The following RIMS2 variants were observed in gnomAD, a reference collection of about 807,000 sequenced individuals.
The protein encoded by RIMS2 is regulating synaptic membrane exocytosis 2, also known as regulating synaptic membrane exocytosis protein 2.
Under a neutral mutation model 174.4 loss-of-function variants are expected in RIMS2, and 59 were observed. That is an observed-to-expected ratio of 0.34 (90% CI 0.27 to 0.42). RIMS2 has a LOEUF of 0.42. Ranked by LOEUF, RIMS2 falls within the 10% of genes least tolerant of loss-of-function variation. The pLI is 1.00. For synonymous variants in RIMS2, 606 were observed against 572.5 expected (o/e 1.06, Z -0.84); for missense variants, 1,620 against 1,666.3 (o/e 0.97, Z 0.48).
intron 2 of RIMS2, among the ~76,000 whole-genome samples, chr8:103,725,951 A>T (rs1399146208): frequency 1.3e-5 from 2 of 152,158 alleles, no homozygotes; most frequent in African/African-American, 4.8e-5. Context: ...GGCCATTTAT[A>T]TCACGTCTTT....
intron 1 of RIMS2, among the ~76,000 whole-genome samples, chr8:103,661,979 G>A (rs1218116862): frequency 6.6e-6 from 1 of 152,160 alleles, no homozygotes; most frequent in Non-Finnish European, 1.5e-5. Context: ...GAATGATATT[G>A]AGAATGATAT....
At chr8:103,612,938 A>G (rs1408385496) in intron 1 of RIMS2, among the ~76,000 whole-genome samples, 1 of 152,140 alleles carries the variant, frequency 6.6e-6, no homozygotes, top group Non-Finnish European at 1.5e-5. Flanking sequence ...AGCCACCTGG[A>G]ACTGGGTTGT....
intron 1 of RIMS2, among the ~76,000 whole-genome samples, chr8:103,630,927 A>C (rs1054535467): frequency 6.6e-6 from 1 of 152,144 alleles, no homozygotes; most frequent in African/African-American, 2.4e-5. Context: ...TCTTTTGAGA[A>C]GTGTCTGTTC....
At chr8:104,058,017 C>T (rs1403588549) in intron 19 of RIMS2, among the ~76,000 whole-genome samples, 1 of 151,852 alleles carries the variant, frequency 6.6e-6, no homozygotes, top group Non-Finnish European at 1.5e-5. Flanking sequence ...TGAATGGTGC[C>T]GCAATAAACA....
At chr8:103,701,071 A>C (rs1016356771) in intron 2 of RIMS2, among the ~76,000 whole-genome samples, 5 of 151,882 alleles carry the variant, frequency 3.3e-5, no homozygotes, top group Non-Finnish European at 7.4e-5. Flanking sequence ...GGCATTATTT[A>C]TTTCTTTTTG....
chr8:103,937,183 T>G (rs1595480517), intron 13 of RIMS2, among the ~76,000 whole-genome samples: 1 of 152,182 alleles, frequency 6.6e-6, no homozygotes. Flanking sequence ...ACAATTTCTT[T>G]AATGGAATGT....
chr8:103,847,187 A>G (rs1011494418), intron 3 of RIMS2, among the ~76,000 whole-genome samples: 1 of 152,148 alleles, frequency 6.6e-6, no homozygotes, highest in African/African-American at 2.4e-5. Context: ...AGTATGGCAC[A>G]GATTTCCCAA....
chr8:104,163,118 G>C (rs1023880254), intron 19 of RIMS2, among the ~76,000 whole-genome samples: 2 of 152,040 alleles, frequency 1.3e-5, no homozygotes, highest in Non-Finnish European at 2.9e-5. Context: ...TGTCCCCTTG[G>C]GCTTTGAAAA....
At chr8:103,603,878 A>T (rs1184027184) in intron 1 of RIMS2, among the ~76,000 whole-genome samples, 1 of 147,840 alleles carries the variant, frequency 6.8e-6, no homozygotes, top group Non-Finnish European at 1.5e-5. Flanking sequence ...GTTTGAGTTC[A>T]TTGTAGATTC....
At chr8:103,833,448 C>T (rs1239624203) in intron 3 of RIMS2, among the ~76,000 whole-genome samples, 3 of 152,014 alleles carry the variant, frequency 2.0e-5, no homozygotes, top group East Asian at 1.9e-4. Context: ...TTAATAAGTT[C>T]GGCCATTGTT....
At chr8:104,049,990 G>A (rs2096759592) in intron 19 of RIMS2, among the ~76,000 whole-genome samples, 1 of 152,076 alleles carries the variant, frequency 6.6e-6, no homozygotes, top group South Asian at 2.1e-4. Flanking sequence ...TGTTAGTAGT[G>A]AATATATGAG....
rs186634426 is a variant in RIMS2, at chr8:103,873,310, A to G, written c.699-11988A>G. Among the ~76,000 whole-genome samples, 188 of 152,186 alleles carry G rather than the reference A, an allele frequency of 1.2e-3. 1 individual carries two copies. The highest frequency in any genetic ancestry group is 2.3e-3 in the Non-Finnish European group (159 of 67,998). On this transcript the variant is annotated intron_variant, in intron 3 of 23. Coordinates refer to ENST00000504942, the Ensembl canonical transcript of RIMS2. ...AGTGTACATTCCTGTTCCTGCCACA[A>G]GTTTTATAGAAACAGGCTGTAAAAT...
At chr8:103,942,652 C>A in intron 13 of RIMS2, 121 bp from the exon 16 acceptor site, 1 of 686,150 alleles carries the variant, frequency 1.5e-6, no homozygotes, top group Non-Finnish European at 2.3e-6. Flanking sequence ...GTCTAAATGA[C>A]CTTGTTTTTC....
At chr8:104,055,509 C>T (rs7012546) in intron 19 of RIMS2, among the ~76,000 whole-genome samples, 63,150 of 151,928 alleles carry the variant, frequency 0.42, 13,591 homozygotes, top group African/African-American at 0.5. Flanking sequence ...TTTGTATCTT[C>T]TATAAACAAT....
intron 17 of RIMS2, among the ~76,000 whole-genome samples, chr8:103,999,126 C>A (rs893725633): frequency 3.3e-5 from 5 of 151,680 alleles, no homozygotes; most frequent in African/African-American, 1.2e-4. Context: ...TGGTTGGTCA[C>A]CTTGACTGTT....
chr8:103,520,102 C>G (rs1255020726), intron 1 of RIMS2, among the ~76,000 whole-genome samples: 1 of 152,044 alleles, frequency 6.6e-6, no homozygotes, highest in East Asian at 1.9e-4. Context: ...ATTTTGTGAC[C>G]TTGAGCAAGT....
chr8:104,015,378 TTG>T (rs757424137), intron 19 of RIMS2: 1 of 666,184 alleles, frequency 1.5e-6, no homozygotes, highest in South Asian at 1.6e-5. Context: ...CCCTTTTTGT[TTG>T]TTTGTTTTTG....
At chr8:103,860,596 T>C (rs1471935471) in intron 3 of RIMS2, among the ~76,000 whole-genome samples, 2 of 152,028 alleles carry the variant, frequency 1.3e-5, no homozygotes, top group Non-Finnish European at 2.9e-5. Flanking sequence ...ATTCAATAAA[T>C]ATTAACAGCC....
At chr8:103,967,179 T>G (rs2092095322) in intron 15 of RIMS2, among the ~76,000 whole-genome samples, 1 of 125,350 alleles carries the variant, frequency 8.0e-6, no homozygotes, top group Non-Finnish European at 1.6e-5. Flanking sequence ...TGTTTTTTTT[T>G]TTTTTTTTTT....
Sources: allele counts gnomAD v4.1 joint callset (sites outside exome capture counted in the v4.1 genomes callset), GRCh38; gene constraint gnomAD v4.1.1; transcripts MANE v1.5; gene names NCBI Gene and HGNC (gene_info 2026-07-23, HGNC 2026-07-21).